CDC5L: variants seen among roughly 807,000 people sequenced by gnomAD.
CDC5L encodes the protein cell division cycle 5 like.
A neutral mutation model predicts 104.1 loss-of-function variants in CDC5L; 18 were observed. That is an observed-to-expected ratio of 0.17 (90% CI 0.12 to 0.26). CDC5L has a LOEUF of 0.26. Among genes scored for constraint, CDC5L ranks in the 10% least tolerant of loss-of-function variants. The probability of loss-of-function intolerance (pLI) is 1.00; values close to 1 mark genes in which losing one functional copy is unlikely to be tolerated. For synonymous variants in CDC5L, 331 were observed against 322.7 expected (o/e 1.03, Z -0.28); for missense variants, 673 against 956.9 (o/e 0.70, Z 3.91).
intron 5 of CDC5L, among the ~76,000 whole-genome samples, chr6:44,401,649 T>A (rs138869073): frequency 0.024 from 3,688 of 152,018 alleles, 154 homozygotes; most frequent in African/African-American, 0.083. Context: ...TTTTTAAATT[T>A]AATTTAATTT....
intron 6 of CDC5L, among the ~76,000 whole-genome samples, chr6:44,404,233 C>T (rs973662047): frequency 3.2e-4 from 48 of 152,074 alleles, no homozygotes; most frequent in African/African-American, 1.1e-3. Context: ...AAGCCTTGAC[C>T]TCCTGGGCTC....
At chr6:44,396,901 T>C (rs929561950) in intron 5 of CDC5L, among the ~76,000 whole-genome samples, 36 of 152,328 alleles carry the variant, frequency 2.4e-4, no homozygotes, top group African/African-American at 7.9e-4. Flanking sequence ...GTGCAGGTGC[T>C]TATGTCCCAT....
chr6:44,430,063 C>T (rs1439644293), intron 14 of CDC5L, among the ~76,000 whole-genome samples, 153 bp downstream of exon 14: 3 of 151,604 alleles, frequency 2.0e-5, no homozygotes, highest in Non-Finnish European at 4.4e-5. Flanking sequence ...GTTGGATCTT[C>T]TTGGCCTTGT....
At chr6:44,438,364 C>T (rs1793031637) in intron 14 of CDC5L, among the ~76,000 whole-genome samples, 1 of 152,164 alleles carries the variant, frequency 6.6e-6, no homozygotes, top group Admixed American at 6.5e-5. Context: ...CAACTGATAC[C>T]TAGCTTGTGT....
At chr6:44,445,575 C>A in intron 14 of CDC5L, 80 bp from the exon 15 acceptor site, 1 of 924,978 alleles carries the variant, frequency 1.1e-6, no homozygotes, top group Non-Finnish European at 1.7e-6. Flanking sequence ...CATACATGAA[C>A]GCATGGTACC....
chr6:44,406,580 T>C, intron 7 of CDC5L, 113 bp downstream of exon 7: 1 of 953,482 alleles, frequency 1.0e-6, no homozygotes, highest in Non-Finnish European at 1.6e-6. Context: ...TCTTAAGAAA[T>C]TCACAGTTTA....
chr6:44,443,011 T>G (rs1202988237), intron 14 of CDC5L, among the ~76,000 whole-genome samples: 2 of 512 alleles, frequency 3.9e-3, no homozygotes, highest in Non-Finnish European at 5.1e-3. Flanking sequence ...GGTTGGCAGT[T>G]TTTTTTTCTC....
chr6:44,411,637 A>AGTGTGTGTGT lies in CDC5L; in HGVS notation c.1092+3013_1092+3022dup, dbSNP rs55826820. ...GAGAGAGAGAGAGAGAGAGAGAGAG[A>AGTGTGTGTGT]GTGTGTGTGTGTGTGTGACTAAAAA... On this transcript the variant is annotated intron_variant, in intron 8 of 15. Transcript: ENST00000371477. 8.7e-4 allele frequency among the ~76,000 whole-genome samples: 108 copies of AGTGTGTGTGT among 123,752 alleles called. 2 individuals carry two copies. The South Asian group carries it at 0.023, about 27-fold the overall frequency. 81.2% of individuals were successfully genotyped at this position (123,752 alleles called of 152,430 possible).
At chr6:44,445,484 A>C (rs1220049097) in intron 14 of CDC5L, among the ~76,000 whole-genome samples, 171 bp from the exon 15 acceptor site, 6 of 152,222 alleles carry the variant, frequency 3.9e-5, no homozygotes, top group African/African-American at 1.4e-4. Flanking sequence ...CTTTAGGTGC[A>C]AGATAAATCC....
chr6:44,429,010 A>G (rs998728250), intron 13 of CDC5L, among the ~76,000 whole-genome samples: 4 of 138,578 alleles, frequency 2.9e-5, no homozygotes, highest in East Asian at 2.1e-4. Flanking sequence ...CCTTAGTTTC[A>G]TTAGCTTTTT....
intron 5 of CDC5L, 122 bp from the exon 6 acceptor site, chr6:44,403,687 G>A: frequency 1.5e-6 from 1 of 679,142 alleles, no homozygotes; most frequent in Non-Finnish European, 2.4e-6. Flanking sequence ...AATGGTGTGA[G>A]GTAAGGATTT....
chr6:44,426,202 G>A lies in CDC5L; in HGVS notation c.1650+19G>A. ...ATCAGAAGTAAGTGTTAGAATTTCT[G>A]GTTTAGGAAGTTTTAAGTTTCTTTT... is the stretch of plus-strand genomic sequence containing the variant. On this transcript the variant is annotated intron_variant, in intron 12 of 15. Transcript: ENST00000371477. 1.3e-6 allele frequency: 2 copies of A among 1,552,012 alleles called. No homozygotes were observed. The highest frequency in any genetic ancestry group is 1.8e-6 in the Non-Finnish European group (2 of 1,133,110).
chr6:44,426,799 A>G, intron 13 of CDC5L, 75 bp downstream of exon 13: 1 of 1,407,114 alleles, frequency 7.1e-7, no homozygotes, highest in Non-Finnish European at 9.8e-7. Flanking sequence ...ACAAATAATG[A>G]ACTTATTTTT....
At chr6:44,398,492 T>G (rs1790973383) in intron 5 of CDC5L, among the ~76,000 whole-genome samples, 1 of 152,250 alleles carries the variant, frequency 6.6e-6, no homozygotes, top group African/African-American at 2.4e-5. Flanking sequence ...TACACATCTT[T>G]GTAAGTTATA....
chr6:44,426,611 C>T lies in CDC5L; in HGVS notation c.1780C>T (p.Pro594Ser). 2 of 1,613,444 alleles carry T rather than the reference C, an allele frequency of 1.2e-6. No homozygotes were observed. Among genetic ancestry groups the T allele is most frequent in the Non-Finnish European group, 1.7e-6 (2 of 1,179,648 alleles). Residue 594 changes from proline (P) to serine (S), a missense_variant, in exon 13 of 16, where the codon CCA (proline) becomes TCA (serine). Coordinates refer to ENST00000371477, the MANE Select transcript of CDC5L (RefSeq NM_001253.4). ...HYDLLHHPYE[P>S]SGNKKGKTVG... ...TGACCTTCTACATCACCCTTATGAA[C>T]CATCTGGAAATAAAAAAGGCAAAAC...
At chr6:44,410,090 T>G (rs2153378418) in intron 8 of CDC5L, among the ~76,000 whole-genome samples, 1 of 152,288 alleles carries the variant, frequency 6.6e-6, no homozygotes, top group African/African-American at 2.4e-5. Flanking sequence ...TAAGAACACT[T>G]AAAATCTACC....
At chr6:44,422,495 G>C (rs1313357101) in intron 9 of CDC5L, 152 bp from the exon 10 acceptor site, 1 of 557,754 alleles carries the variant, frequency 1.8e-6, no homozygotes, top group East Asian at 3.0e-5. Context: ...TTTTAACCTA[G>C]AGATCCTAAC....
rs1056428878 is a variant in CDC5L at position 44,448,119 on chromosome 6, A to G, written c.*1408A>G. 11 of 123,554 alleles carry G rather than the reference A, an allele frequency of 8.9e-5. No individual in the cohort carries two copies. The highest frequency in any genetic ancestry group is 1.1e-4 in the Non-Finnish European group (7 of 62,380). 7.7% of individuals were successfully genotyped at this position (123,554 alleles called of 1,614,324 possible). On this transcript the variant is annotated 3_prime_UTR_variant, in exon 16 of 16. Transcript: ENST00000371477. ...TTAAAGAAGTAACATTTAAGATAAC[A>G]TGTGATTGACATTTTAGAATGGGCT...
chr6:44,444,302 C>T (rs1793348503), intron 14 of CDC5L, among the ~76,000 whole-genome samples: 1 of 152,142 alleles, frequency 6.6e-6, no homozygotes, highest in Admixed American at 6.5e-5. Context: ...GTATGTCCAC[C>T]TCTGTTTTCT....
Sources: allele counts gnomAD v4.1 joint callset (sites outside exome capture counted in the v4.1 genomes callset), GRCh38; gene constraint gnomAD v4.1.1; transcripts MANE v1.5; gene names NCBI Gene and HGNC (gene_info 2026-07-23, HGNC 2026-07-21).